Variants in SH3RF1 observed in about 807,000 individuals in gnomAD.
SH3RF1 encodes the protein E3 ubiquitin-protein ligase SH3RF1.
A neutral mutation model predicts 74.0 loss-of-function variants in SH3RF1; 32 were observed. The ratio of observed to expected loss-of-function variants is 0.43; its 90% CI spans 0.33 to 0.58. The LOEUF (loss-of-function observed/expected upper bound fraction) is 0.58. Among genes scored for constraint, SH3RF1 ranks in the 20% least tolerant of loss-of-function variants. The pLI, the probability that SH3RF1 is intolerant of heterozygous loss-of-function variation, is 0.05. For synonymous variants in SH3RF1, 396 were observed against 439.6 expected (o/e 0.90, Z 1.24); for missense variants, 954 against 1,130.9 (o/e 0.84, Z 2.24).
intron 10 of SH3RF1, among the ~76,000 whole-genome samples, chr4:169,108,491 C>T (rs764668483): frequency 6.6e-6 from 1 of 152,172 alleles, no homozygotes; most frequent in African/African-American, 2.4e-5. Flanking sequence ...AGTTACCTAA[C>T]GCTGCTCAAG....
chr4:169,165,183 T>C (rs1185088166), intron 2 of SH3RF1, among the ~76,000 whole-genome samples: 1 of 152,212 alleles, frequency 6.6e-6, no homozygotes, highest in Non-Finnish European at 1.5e-5. Flanking sequence ...AACAGATTCC[T>C]GGCAAAGAAT....
chr4:169,105,970 T>G (rs28697901), intron 11 of SH3RF1, among the ~76,000 whole-genome samples: 3,237 of 152,112 alleles, frequency 0.021, 124 homozygotes, highest in African/African-American at 0.07. Flanking sequence ...AACACAAAAT[T>G]CATAAACTTT....
intron 2 of SH3RF1, chr4:169,166,177 T>C (rs910690581): frequency 6.6e-6 from 1 of 151,844 alleles, no homozygotes; most frequent in Non-Finnish European, 1.5e-5. Flanking sequence ...AATATATATA[T>C]ATATAATAAA....
chr4:169,122,234 G>C lies in SH3RF1; in HGVS notation c.1212C>G (p.Leu404=). 6.2e-7 allele frequency: 1 copy of C among 1,609,732 alleles called. No homozygotes were observed. The highest frequency in any genetic ancestry group is 8.5e-7 in the Non-Finnish European group (1 of 1,177,722). ...TGGAGGCAAGGACAGTGGCAGCCAG[G>C]AGAGGGGGTGGTGGAAGAGGAGGAT... ...TLNPPLPPPP[L]LAATVLASTP... is the part of the protein sequence containing the mutation. Residue 404 remains leucine (L), a synonymous_variant, in exon 7 of 12, where the codon CTC becomes CTG. Transcript: ENST00000284637.
chr4:169,151,785 T>C (rs945202548), intron 4 of SH3RF1, among the ~76,000 whole-genome samples: 12 of 152,236 alleles, frequency 7.9e-5, no homozygotes, highest in African/African-American at 2.7e-4. Flanking sequence ...GTGGGCGATA[T>C]TTCAAACAAA....
At chr4:169,185,467 A>G (rs1734586201) in intron 2 of SH3RF1, among the ~76,000 whole-genome samples, 2 of 152,198 alleles carry the variant, frequency 1.3e-5, no homozygotes, top group South Asian at 4.1e-4. Flanking sequence ...CCCACAAAAC[A>G]TTACTCACAG....
intron 2 of SH3RF1, among the ~76,000 whole-genome samples, chr4:169,194,574 T>TA (rs1294606704): frequency 2.0e-5 from 3 of 152,240 alleles, no homozygotes; most frequent in African/African-American, 7.2e-5. Context: ...TGAAGCATAC[T>TA]ATTCCACTAT....
chr4:169,156,734 C>A, intron 2 of SH3RF1, 55 bp from the exon 3 acceptor site: 1 of 1,482,102 alleles, frequency 6.7e-7, no homozygotes. Context: ...TAAAATGTCT[C>A]TGAAAATACA....
intron 5 of SH3RF1, among the ~76,000 whole-genome samples, chr4:169,131,280 C>G (rs563950697): frequency 6.6e-6 from 1 of 152,300 alleles, no homozygotes; most frequent in South Asian, 2.1e-4. Flanking sequence ...ATCTATTAGT[C>G]TATATATTGA....
intron 2 of SH3RF1, among the ~76,000 whole-genome samples, chr4:169,180,669 T>C (rs185112851): frequency 6.6e-6 from 1 of 152,170 alleles, no homozygotes; most frequent in Non-Finnish European, 1.5e-5. Flanking sequence ...CTTAAGTAAA[T>C]AATATTCAGT....
intron 10 of SH3RF1, among the ~76,000 whole-genome samples, chr4:169,114,333 C>CT (rs199505862): frequency 0.011 from 1,674 of 152,286 alleles, 12 homozygotes; most frequent in Non-Finnish European, 0.015. Context: ...TTCTCTGGCC[C>CT]TAAGCTTCCT....
chr4:169,130,291 C>G, intron 5 of SH3RF1, 135 bp from the exon 6 acceptor site: 1 of 670,526 alleles, frequency 1.5e-6, no homozygotes, highest in South Asian at 2.5e-5. Flanking sequence ...GGTAGAATCC[C>G]TTTTAGTCTG....
At chr4:169,148,501 G>C (rs890353489) in intron 4 of SH3RF1, among the ~76,000 whole-genome samples, 1 of 152,098 alleles carries the variant, frequency 6.6e-6, no homozygotes, top group Non-Finnish European at 1.5e-5. Flanking sequence ...AATTATACAC[G>C]ATGAGACTTA....
chr4:169,207,939 TG>T (rs1268727075), intron 2 of SH3RF1, among the ~76,000 whole-genome samples: 1 of 151,054 alleles, frequency 6.6e-6, no homozygotes, highest in Non-Finnish European at 1.5e-5. Flanking sequence ...TCAGTAGGGG[TG>T]GGGGGATCCT....
At chr4:169,184,665 GAA>G (rs1734575370) in intron 2 of SH3RF1, among the ~76,000 whole-genome samples, 1 of 152,220 alleles carries the variant, frequency 6.6e-6, no homozygotes, top group African/African-American at 2.4e-5. Context: ...GGCTGGTAGA[GAA>G]AAGATTCCTG....
chr4:169,095,117 T>C lies in SH3RF1; in HGVS notation c.*1402A>G, dbSNP rs148198660. ...TAAAAAGACAGGCTCTTCTGGATCC[T>C]GCCACAATTGTAAGGTGTGGGCAAA... is the stretch of plus-strand genomic sequence containing the variant. On this transcript the variant is annotated 3_prime_UTR_variant, in exon 12 of 12. Coordinates refer to ENST00000284637, the MANE Select transcript of SH3RF1 (RefSeq NM_020870.4). 843 of 152,746 alleles carry C rather than the reference T, an allele frequency of 5.5e-3. 5 individuals carry two copies. The highest frequency in any genetic ancestry group is 0.019 in the African/African-American group (773 of 41,572). 9.5% of individuals were successfully genotyped at this position (152,746 alleles called of 1,614,324 possible). A position where few individuals can be genotyped will look rare whatever the true frequency, so the allele number is the denominator to read the frequency against.
intron 2 of SH3RF1, among the ~76,000 whole-genome samples, chr4:169,200,631 T>C (rs1448135461): frequency 1.3e-5 from 2 of 152,206 alleles, no homozygotes; most frequent in Non-Finnish European, 2.9e-5. Context: ...ATATGTATCA[T>C]ATGTATTACT....
At chr4:169,144,761 A>ATT (rs796762720) in intron 4 of SH3RF1, among the ~76,000 whole-genome samples, 1 of 147,224 alleles carries the variant, frequency 6.8e-6, no homozygotes, top group East Asian at 2.0e-4. Flanking sequence ...GGGTCAACTG[A>ATT]TTTTTTTTTT....
chr4:169,231,358 G>A (rs1161068731), intron 2 of SH3RF1, among the ~76,000 whole-genome samples: 3 of 152,160 alleles, frequency 2.0e-5, no homozygotes, highest in African/African-American at 7.2e-5. Flanking sequence ...ACGAGGTCAG[G>A]AGTTCGAGAC....
Sources: gnomAD v4.1 joint callset for allele counts (sites outside exome capture counted in the v4.1 genomes callset) on GRCh38, gnomAD v4.1.1 for gene constraint, MANE v1.5 for transcripts, NCBI Gene and HGNC (gene_info 2026-07-23, HGNC 2026-07-21) for gene names.